Variants in LRRC3B observed in about 807,000 individuals in gnomAD.
LRRC3B encodes the protein leucine rich repeat containing 3B.
A neutral mutation model predicts 12.8 loss-of-function variants in LRRC3B; 2 were observed. The ratio of observed to expected loss-of-function variants is 0.16; its 90% confidence interval spans 0.06 to 0.49. The LOEUF (loss-of-function observed/expected upper bound fraction) is 0.49. Ranked by LOEUF, LRRC3B falls within the 20% of genes least tolerant of loss-of-function variation. LRRC3B has a pLI of 0.96. For synonymous variants in LRRC3B, 132 were observed against 122.0 expected, an observed-to-expected ratio of 1.08 and a Z score of -0.54; for missense variants, 189 against 319.4, an observed-to-expected ratio of 0.59 and a Z score of 3.11.
exon 2 of LRRC3B, chr3:26,710,283 A>T: frequency 6.2e-7 from 1 of 1,613,986 alleles, no homozygotes. Flanking sequence ...ACTACCGATT[A>T]TGCCATGCTG....
At chr3:26,705,074 G>A (rs557170130) in intron 1 of LRRC3B, among the ~76,000 whole-genome samples, 1 of 152,244 alleles carries the variant, frequency 6.6e-6, no homozygotes, top group South Asian at 2.1e-4. Flanking sequence ...ATCTCTGAAT[G>A]TTCCTATCAT....
chr3:26,677,788 T>TTTTG (rs144509658), intron 1 of LRRC3B, among the ~76,000 whole-genome samples: 14 of 150,322 alleles, frequency 9.3e-5, no homozygotes, highest in Admixed American at 2.0e-4. Context: ...CTGTTTTGCC[T>TTTTG]TTTGTTTGTT....
At chr3:26,694,997 A>G (rs910030228) in intron 1 of LRRC3B, among the ~76,000 whole-genome samples, 3 of 152,076 alleles carry the variant, frequency 2.0e-5, no homozygotes, top group Non-Finnish European at 4.4e-5. Context: ...AGGTAAAACT[A>G]TTATCAATTT....
intron 1 of LRRC3B, among the ~76,000 whole-genome samples, chr3:26,677,696 CAAAG>C: frequency 6.6e-6 from 1 of 152,268 alleles, no homozygotes; most frequent in East Asian, 1.9e-4. Flanking sequence ...TATTTTCAAC[CAAAG>C]AAACACATGT....
chr3:26,659,416 G>A (rs1575135550), intron 1 of LRRC3B, among the ~76,000 whole-genome samples: 1 of 152,130 alleles, frequency 6.6e-6, no homozygotes, highest in Non-Finnish European at 1.5e-5. Flanking sequence ...TCTGCAAGGT[G>A]GGCCTAAGAT....
chr3:26,692,832 T>G (rs1700218974), intron 1 of LRRC3B, among the ~76,000 whole-genome samples: 1 of 152,210 alleles, frequency 6.6e-6, no homozygotes, highest in Non-Finnish European at 1.5e-5. Flanking sequence ...TGGTGGTTCT[T>G]CTAGTCTTGG....
chr3:26,660,806 T>G (rs1699477094), intron 1 of LRRC3B, among the ~76,000 whole-genome samples: 1 of 152,210 alleles, frequency 6.6e-6, no homozygotes, highest in South Asian at 2.1e-4. Context: ...TTTTTTCATT[T>G]CTGAGCTGCA....
intron 1 of LRRC3B, among the ~76,000 whole-genome samples, chr3:26,636,954 C>CT (rs1559350373): frequency 8.0e-6 from 1 of 124,490 alleles, no homozygotes. Flanking sequence ...TTCTTTCTTT[C>CT]TTTCTTTCTT....
chr3:26,649,443 A>C (rs923907541), intron 1 of LRRC3B, among the ~76,000 whole-genome samples: 1 of 146,452 alleles, frequency 6.8e-6, no homozygotes, highest in Non-Finnish European at 1.5e-5. Context: ...AGCGAAGAGA[A>C]CACTTCTAGA....
chr3:26,679,214 GTCT>G (rs1202834859), intron 1 of LRRC3B, among the ~76,000 whole-genome samples: 6 of 152,216 alleles, frequency 3.9e-5, no homozygotes, highest in Non-Finnish European at 8.8e-5. Context: ...ATAGCAGGTA[GTCT>G]TGGTGTGACC....
chr3:26,661,790 A>C (rs184077735), intron 1 of LRRC3B, among the ~76,000 whole-genome samples: 45 of 152,294 alleles, frequency 3.0e-4, no homozygotes, highest in African/African-American at 1.0e-3. Flanking sequence ...AACTTGGTTG[A>C]TGCAGTTTCC....
At chr3:26,698,258 A>T (rs1700368634) in intron 1 of LRRC3B, among the ~76,000 whole-genome samples, 1 of 152,146 alleles carries the variant, frequency 6.6e-6, no homozygotes, top group African/African-American at 2.4e-5. Flanking sequence ...CACCCTTGTG[A>T]GGTGGAACTT....
At chr3:26,659,709 A>G (rs1699454746) in intron 1 of LRRC3B, among the ~76,000 whole-genome samples, 1 of 152,062 alleles carries the variant, frequency 6.6e-6, no homozygotes, top group Non-Finnish European at 1.5e-5. Flanking sequence ...CTCTTCTTGG[A>G]TTTGCTTTGT....
chr3:26,673,782 TC>T (rs1420634710), intron 1 of LRRC3B, among the ~76,000 whole-genome samples: 2 of 152,178 alleles, frequency 1.3e-5, no homozygotes, highest in Non-Finnish European at 2.9e-5. Context: ...AAACAGGAAG[TC>T]TGCACAAAAT....
intron 1 of LRRC3B, among the ~76,000 whole-genome samples, chr3:26,684,592 C>T (rs561771028): frequency 2.0e-5 from 3 of 152,302 alleles, no homozygotes; most frequent in East Asian, 3.9e-4. Flanking sequence ...CAAGGGCCCT[C>T]TTGCTGCACC....
intron 1 of LRRC3B, among the ~76,000 whole-genome samples, chr3:26,654,134 G>T (rs955419946): frequency 1.2e-4 from 18 of 152,170 alleles, no homozygotes; most frequent in African/African-American, 3.9e-4. Context: ...ATCTGTCAGA[G>T]AGTTGGGTGT....
intron 1 of LRRC3B, among the ~76,000 whole-genome samples, chr3:26,662,681 TGAA>T (rs1160030043): frequency 1.3e-5 from 2 of 152,168 alleles, no homozygotes; most frequent in African/African-American, 2.4e-5. Context: ...CAAAATTTCT[TGAA>T]GAGAGTGTGG....
At chr3:26,688,779 GATTTGAGTGGGGACACAGAT>G (rs1409428813) in intron 1 of LRRC3B, among the ~76,000 whole-genome samples, 2 of 152,168 alleles carry the variant, frequency 1.3e-5, no homozygotes. Context: ...TTGAAAATGA[GATTTGAGTGGGGACACAGAT>G]CCAGATCATA....
chr3:26,651,428 C>G lies in LRRC3B; in HGVS notation c.-161+28191C>G, dbSNP rs535914171. On this transcript the variant is annotated intron_variant, in intron 1 of 1. Coordinates refer to ENST00000396641, the Ensembl canonical transcript of LRRC3B. ...CCACCTGAACTATTATAAATGAGCA[C>G]ACGTGGTGTGTACCTGTGTGTATCT... 4.6e-5 allele frequency among the ~76,000 whole-genome samples: 7 copies of G among 152,294 alleles called. No homozygotes were observed. In the South Asian group the frequency reaches 1.2e-3, roughly 27 times the overall value.
Sources: gnomAD v4.1 joint callset for allele counts (sites outside exome capture counted in the v4.1 genomes callset) on GRCh38, gnomAD v4.1.1 for gene constraint, MANE v1.5 for transcripts, NCBI Gene and HGNC (gene_info 2026-07-23, HGNC 2026-07-21) for gene names.